The following GPC5 variants were observed in gnomAD, a reference collection of about 807,000 sequenced individuals.
GPC5 encodes glypican-5.
A neutral mutation model predicts 53.9 loss-of-function variants in GPC5; 47 were observed. The observed-to-expected ratio is 0.87, with a 90% CI of 0.69 to 1.11. The LOEUF (loss-of-function observed/expected upper bound fraction) is 1.11, where lower values mean the gene tolerates loss of function less well. Ranked by LOEUF, GPC5 falls within the 50% of genes most tolerant of loss-of-function variation. The pLI is 0.00. For missense variants in GPC5, 748 were observed against 713.1 expected (o/e 1.05, Z -0.56); for synonymous variants, 286 against 263.3 (o/e 1.09, Z -0.84).
At chr13:91,461,040 T>G (rs1350839661) in intron 2 of GPC5, among the ~76,000 whole-genome samples, 1 of 152,124 alleles carries the variant, frequency 6.6e-6, no homozygotes, top group Non-Finnish European at 1.5e-5. Flanking sequence ...GCAAAGGGCT[T>G]GAAATGGCAT....
intron 7 of GPC5, among the ~76,000 whole-genome samples, chr13:92,619,448 CTT>C (rs1206478182): frequency 6.6e-5 from 10 of 151,954 alleles, no homozygotes; most frequent in African/African-American, 1.9e-4. Context: ...TTAACACACT[CTT>C]TGCAAAGATC....
chr13:92,128,781 G>A (rs2041720432), intron 6 of GPC5, among the ~76,000 whole-genome samples: 1 of 152,076 alleles, frequency 6.6e-6, no homozygotes, highest in Admixed American at 6.6e-5. Flanking sequence ...TGGCCAACAT[G>A]GTGAAACCCC....
chr13:92,393,456 C>A (rs1249808487), intron 7 of GPC5, among the ~76,000 whole-genome samples: 2 of 152,126 alleles, frequency 1.3e-5, no homozygotes, highest in African/African-American at 4.8e-5. Context: ...TCAAGACCAG[C>A]CTGGCCAACA....
chr13:91,640,798 GAA>G (rs528053266), intron 2 of GPC5, among the ~76,000 whole-genome samples: 11 of 132,392 alleles, frequency 8.3e-5, no homozygotes, highest in African/African-American at 2.2e-4. Context: ...GACTCCTCAG[GAA>G]AAAAAAAAAA....
Position 92,852,834 on chromosome 13 carries a change from C to A in GPC5, c.1562-13448C>A, listed in dbSNP as rs1472724509. Among the ~76,000 whole-genome samples the A allele has an allele frequency of 2.0e-5, 3 of 152,204 alleles. No homozygotes were observed. In the East Asian group the frequency reaches 5.8e-4, roughly 30 times the overall value. On this transcript the variant is annotated intron_variant, in intron 7 of 7. Coordinates refer to ENST00000377067, the MANE Select transcript of GPC5 (RefSeq NM_004466.6). ...ATATATTGATATGAAGGTGAGATACCAAGTGGTAATATACAGAGTCACCTG... is the reference window on the plus strand; with the variant it reads ...ATATATTGATATGAAGGTGAGATACAAAGTGGTAATATACAGAGTCACCTG...
chr13:92,850,151 G>A (rs1164780527), intron 7 of GPC5, among the ~76,000 whole-genome samples: 2 of 152,118 alleles, frequency 1.3e-5, no homozygotes, highest in African/African-American at 2.4e-5. Context: ...ACTGAGAGCA[G>A]AGGAATTGGA....
At chr13:92,331,109 C>T (rs1323730413) in intron 7 of GPC5, among the ~76,000 whole-genome samples, 8 of 151,974 alleles carry the variant, frequency 5.3e-5, no homozygotes, top group African/African-American at 1.9e-4. Context: ...CGGTACATGT[C>T]GAATCTCTAA....
intron 7 of GPC5, among the ~76,000 whole-genome samples, chr13:92,318,168 T>C (rs1374577447): frequency 6.6e-6 from 1 of 152,212 alleles, no homozygotes; most frequent in Non-Finnish European, 1.5e-5. Context: ...TAGCATCTTT[T>C]CCATTCACTT....
chr13:92,744,812 G>A (rs1328676297), intron 7 of GPC5, among the ~76,000 whole-genome samples: 1 of 151,938 alleles, frequency 6.6e-6, no homozygotes, highest in African/African-American at 2.4e-5. Flanking sequence ...TGAAAATATA[G>A]TGTAAGTTTA....
At chr13:92,241,271 A>G (rs2042609779) in intron 7 of GPC5, 2 of 152,228 alleles carry the variant, frequency 1.3e-5, no homozygotes, top group African/African-American at 4.8e-5. Context: ...TATGTAAAAG[A>G]TAATGGAAAG....
chr13:91,654,537 C>G (rs1204406856), intron 2 of GPC5, among the ~76,000 whole-genome samples: 3 of 151,516 alleles, frequency 2.0e-5, no homozygotes, highest in African/African-American at 7.3e-5. Flanking sequence ...TATTAAAACA[C>G]ATACATATAT....
At chr13:91,486,453 TA>T (rs1192855350) in intron 2 of GPC5, 1 of 152,218 alleles carries the variant, frequency 6.6e-6, no homozygotes, top group Non-Finnish European at 1.5e-5. Flanking sequence ...GGGTTTTCTT[TA>T]GGGGTCTTTC....
At chr13:91,475,695 G>C (rs932087461) in intron 2 of GPC5, among the ~76,000 whole-genome samples, 4 of 152,124 alleles carry the variant, frequency 2.6e-5, no homozygotes, top group Non-Finnish European at 5.9e-5. Context: ...CAGATGAAGG[G>C]GAGGCAGCTA....
At chr13:92,383,688 A>G (rs2043769021) in intron 7 of GPC5, among the ~76,000 whole-genome samples, 2 of 152,188 alleles carry the variant, frequency 1.3e-5, no homozygotes, top group African/African-American at 4.8e-5. Context: ...CTCTTTATGT[A>G]ATTATTTCAG....
intron 3 of GPC5, among the ~76,000 whole-genome samples, chr13:91,707,481 G>A (rs1182847289): frequency 6.6e-6 from 1 of 152,088 alleles, no homozygotes; most frequent in Admixed American, 6.5e-5. Flanking sequence ...GGATTAGGTA[G>A]GCATGTTGGC....
intron 5 of GPC5, among the ~76,000 whole-genome samples, chr13:91,858,288 AT>A (rs546432198): frequency 6.6e-6 from 1 of 151,868 alleles, no homozygotes; most frequent in Non-Finnish European, 1.5e-5. Context: ...ATTTAGTATG[AT>A]ACTAACTGAG....
chr13:92,208,017 G>A (rs1238995555), intron 7 of GPC5, among the ~76,000 whole-genome samples: 1 of 152,160 alleles, frequency 6.6e-6, no homozygotes, highest in African/African-American at 2.4e-5. Flanking sequence ...TGTCGTTCTT[G>A]TTAGCAGACA....
intron 6 of GPC5, among the ~76,000 whole-genome samples, chr13:92,059,509 T>C (rs1252141157): frequency 6.6e-6 from 1 of 152,060 alleles, no homozygotes; most frequent in African/African-American, 2.4e-5. Context: ...AATTATTTTA[T>C]ATAAAATAGA....
chr13:92,353,250 G>C (rs1402075105), intron 7 of GPC5, among the ~76,000 whole-genome samples: 1 of 116,332 alleles, frequency 8.6e-6, no homozygotes, highest in South Asian at 3.2e-4. Context: ...CTGGGCGACA[G>C]AGCGAGACTC....
Sources: gnomAD v4.1 joint callset for allele counts (sites outside exome capture counted in the v4.1 genomes callset) on GRCh38, gnomAD v4.1.1 for gene constraint, MANE v1.5 for transcripts, NCBI Gene and HGNC (gene_info 2026-07-23, HGNC 2026-07-21) for gene names.